UNC13C: variants seen among roughly 807,000 people sequenced by gnomAD.
UNC13C encodes the protein protein unc-13 homolog C.
A neutral mutation model predicts 245.4 loss-of-function variants in UNC13C; 174 were observed. The ratio of observed to expected loss-of-function variants is 0.71; its 90% CI spans 0.63 to 0.80. The LOEUF (loss-of-function observed/expected upper bound fraction) is 0.80. Ranked by LOEUF, UNC13C falls within the 30% of genes least tolerant of loss-of-function variation. UNC13C has a pLI of 0.00. For missense variants in UNC13C, 2,829 were observed against 2,602.9 expected, an observed-to-expected ratio of 1.09 and a Z score of -1.89; for synonymous variants, 992 against 895.1, an observed-to-expected ratio of 1.11 and a Z score of -1.93.
chr15:54,278,256 T>C (rs4776222), intron 10 of UNC13C, among the ~76,000 whole-genome samples: 81,463 of 151,892 alleles, frequency 0.54, 23,618 homozygotes, highest in African/African-American at 0.77. Flanking sequence ...ATGGATCTTG[T>C]GATTTTAGAA....
chr15:54,095,591 A>C (rs1270806467), intron 2 of UNC13C, among the ~76,000 whole-genome samples: 7 of 152,224 alleles, frequency 4.6e-5, no homozygotes, highest in Non-Finnish European at 8.8e-5. Flanking sequence ...GCTTGAAGAA[A>C]TGCTGAATCT....
chr15:54,180,407 A>G, intron 4 of UNC13C, among the ~76,000 whole-genome samples: 1 of 152,048 alleles, frequency 6.6e-6, no homozygotes, highest in East Asian at 1.9e-4. Flanking sequence ...TCCACCGTGG[A>G]TGGGCACCTA....
At chr15:54,626,574 G>C (rs1476513834) in intron 32 of UNC13C, among the ~76,000 whole-genome samples, 1 of 152,108 alleles carries the variant, frequency 6.6e-6, no homozygotes, top group African/African-American at 2.4e-5. Flanking sequence ...GCAATCAGGA[G>C]ATTCTGCCTC....
chr15:54,068,382 C>G (rs544035889), intron 2 of UNC13C, among the ~76,000 whole-genome samples: 1 of 152,270 alleles, frequency 6.6e-6, no homozygotes, highest in African/African-American at 2.4e-5. Flanking sequence ...GGCCAATGTT[C>G]TTCCCACTCC....
chr15:54,400,901 C>T (rs938747021), intron 18 of UNC13C, among the ~76,000 whole-genome samples: 4 of 152,064 alleles, frequency 2.6e-5, no homozygotes, highest in African/African-American at 9.7e-5. Context: ...GAAAATGTGG[C>T]ACATATACAG....
At chr15:53,889,412 G>C in the UNC13C span, among the ~76,000 whole-genome samples, 1 of 152,192 alleles carries the variant, frequency 6.6e-6, no homozygotes, top group South Asian at 2.1e-4. Flanking sequence ...TGTATCCTGA[G>C]ACTTGGCTGA....
chr15:54,189,638 T>G, intron 4 of UNC13C, among the ~76,000 whole-genome samples: 1 of 152,198 alleles, frequency 6.6e-6, no homozygotes, highest in East Asian at 1.9e-4. Flanking sequence ...AAATTGAATT[T>G]TTTAATGCAA....
intron 13 of UNC13C, among the ~76,000 whole-genome samples, chr15:54,303,716 A>G (rs1353640937): frequency 1.3e-5 from 2 of 151,432 alleles, no homozygotes; most frequent in Non-Finnish European, 2.9e-5. Context: ...GTTCCTGACG[A>G]CATGTGCCCA....
intron 2 of UNC13C, among the ~76,000 whole-genome samples, chr15:54,098,417 C>T (rs1025966065): frequency 2.6e-5 from 4 of 152,168 alleles, no homozygotes; most frequent in South Asian, 2.1e-4. Context: ...CCAGGTGATC[C>T]GCCCACCTTG....
chr15:54,596,961 A>T (rs1452482490), intron 30 of UNC13C, among the ~76,000 whole-genome samples: 1 of 152,314 alleles, frequency 6.6e-6, no homozygotes, highest in African/African-American at 2.4e-5. Context: ...AGTATCAGGT[A>T]TTCCTTTACA....
At chr15:54,261,755 A>C (rs1174181317) in intron 8 of UNC13C, among the ~76,000 whole-genome samples, 2 of 152,140 alleles carry the variant, frequency 1.3e-5, no homozygotes, top group African/African-American at 2.4e-5. Context: ...CATGTTAGCC[A>C]GATGGTCACA....
At chr15:54,468,476 T>C (rs923878964) in intron 19 of UNC13C, among the ~76,000 whole-genome samples, 1 of 151,722 alleles carries the variant, frequency 6.6e-6, no homozygotes, top group African/African-American at 2.4e-5. Context: ...TCCATTTTTG[T>C]TTTGGATGTC....
intron 18 of UNC13C, among the ~76,000 whole-genome samples, chr15:54,394,958 T>A (rs989917342): frequency 6.6e-6 from 1 of 151,900 alleles, no homozygotes; most frequent in Non-Finnish European, 1.5e-5. Flanking sequence ...CTACCAAGTA[T>A]AAAAATTAGC....
intron 18 of UNC13C, 77 bp downstream of exon 18, chr15:54,393,258 T>G: frequency 8.1e-7 from 1 of 1,238,558 alleles, no homozygotes; most frequent in Non-Finnish European, 1.1e-6. Context: ...GCGCAACATA[T>G]ACTGACGACA....
rs563524981 is a variant in UNC13C at position 54,518,994 on chromosome 15, C to T, written c.5458-6555C>T. On this transcript the variant is annotated intron_variant, in intron 24 of 32. Coordinates refer to ENST00000260323, the MANE Select transcript of UNC13C (RefSeq NM_001080534.3). ...CGGGGATTCCTGTTTTTTTAATGAA[C>T]ATTCTCAGAAGAGAATTTCTTCAGA... Among the ~76,000 whole-genome samples, 5 of 152,132 alleles carry T rather than the reference C, an allele frequency of 3.3e-5. No individual in the cohort carries two copies. In the South Asian group the frequency reaches 1.0e-3, roughly 32 times the overall value.
the UNC13C span, among the ~76,000 whole-genome samples, chr15:53,952,295 G>A: frequency 1.6e-4 from 24 of 152,278 alleles, no homozygotes; most frequent in Admixed American, 1.6e-3. Context: ...TACCTGGCAG[G>A]ACAATATCAT....
At chr15:54,184,622 A>C (rs1163927405) in intron 4 of UNC13C, among the ~76,000 whole-genome samples, 3 of 152,170 alleles carry the variant, frequency 2.0e-5, no homozygotes, top group Admixed American at 6.5e-5. Context: ...GCTGCATAGT[A>C]TTCCATGGTG....
chr15:53,856,885 G>T, the UNC13C span, among the ~76,000 whole-genome samples: 1 of 152,148 alleles, frequency 6.6e-6, no homozygotes, highest in Non-Finnish European at 1.5e-5. Flanking sequence ...AGGTGTTGAA[G>T]TCTCCCATTA....
At chr15:54,258,356 T>C (rs926831100) in intron 8 of UNC13C, among the ~76,000 whole-genome samples, 1 of 152,106 alleles carries the variant, frequency 6.6e-6, no homozygotes, top group Non-Finnish European at 1.5e-5. Context: ...AATTTCTTAC[T>C]AATGTGAAAT....
Sources: allele counts gnomAD v4.1 joint callset (sites outside exome capture counted in the v4.1 genomes callset), GRCh38; gene constraint gnomAD v4.1.1; transcripts MANE v1.5; gene names NCBI Gene and HGNC (gene_info 2026-07-23, HGNC 2026-07-21).